Variants in GFRA1 observed in about 807,000 individuals in gnomAD.
GFRA1 encodes the protein GDNF family receptor alpha-1.
Under a neutral mutation model 51.6 loss-of-function variants are expected in GFRA1, and 16 were observed. The observed-to-expected ratio is 0.31, with a 90% CI of 0.21 to 0.47. GFRA1 has a LOEUF of 0.47. GFRA1 is among the 20% of genes least tolerant of loss of function. GFRA1 has a pLI of 1.00. For synonymous variants in GFRA1, 270 were observed against 241.3 expected, an observed-to-expected ratio of 1.12 and a Z score of -1.10; for missense variants, 530 against 594.3, an observed-to-expected ratio of 0.89 and a Z score of 1.13.
chr10:116,234,607 A>G (rs569847095), intron 4 of GFRA1, among the ~76,000 whole-genome samples: 44 of 152,322 alleles, frequency 2.9e-4, no homozygotes, highest in African/African-American at 9.6e-4. Flanking sequence ...ATGTTTCTCT[A>G]GTATATGCGA....
intron 4 of GFRA1, among the ~76,000 whole-genome samples, chr10:116,260,971 G>C (rs1969257749): frequency 6.6e-6 from 1 of 152,172 alleles, no homozygotes; most frequent in Non-Finnish European, 1.5e-5. Context: ...AGACAACCCT[G>C]AAGGGTGCCA....
intron 5 of GFRA1, among the ~76,000 whole-genome samples, chr10:116,151,453 T>C (rs1007800125): frequency 2.0e-4 from 30 of 152,178 alleles, no homozygotes; most frequent in Non-Finnish European, 4.4e-4. Context: ...TCACCACCAC[T>C]GACTCTTCTC....
intron 9 of GFRA1, among the ~76,000 whole-genome samples, chr10:116,069,353 G>A (rs1205775730): frequency 1.3e-5 from 2 of 152,030 alleles, no homozygotes; most frequent in Admixed American, 6.6e-5. Flanking sequence ...CTAAGTTGGG[G>A]GAAACACCAC....
chr10:116,251,260 C>T (rs1375501012), intron 4 of GFRA1, among the ~76,000 whole-genome samples: 1 of 152,206 alleles, frequency 6.6e-6, no homozygotes, highest in Non-Finnish European at 1.5e-5. Flanking sequence ...GCTCAGTAGA[C>T]ATTTGTTGAT....
At chr10:116,186,366 G>A (rs1294133666) in intron 5 of GFRA1, among the ~76,000 whole-genome samples, 1 of 152,176 alleles carries the variant, frequency 6.6e-6, no homozygotes, top group Non-Finnish European at 1.5e-5. Flanking sequence ...GAAAAGCCAC[G>A]TTACTTCACA....
chr10:116,211,634 G>T lies in GFRA1; in HGVS notation c.430C>A (p.Gln144Lys), dbSNP rs1430140702. 1 of 1,550,640 alleles carries T rather than the reference G, an allele frequency of 6.4e-7. No individual in the cohort carries two copies. Among genetic ancestry groups the T allele is most frequent in the Non-Finnish European group, 8.7e-7 (1 of 1,146,258 alleles). ...AGGCAGGAAACAGTGAACTTACCTT[G>T]CTGAAAAACATCTGCCAAGAAAGAA... ...VVPFISDVFQ[Q>K]VEHIPKGNNC... Residue 144 changes from glutamine (Q) to lysine (K), a missense_variant, in exon 5 of 11, where the codon CAA becomes AAA. Transcript: ENST00000355422.
chr10:116,087,797 T>C (rs535880070), intron 9 of GFRA1, among the ~76,000 whole-genome samples: 1 of 152,260 alleles, frequency 6.6e-6, no homozygotes, highest in African/African-American at 2.4e-5. Context: ...AAAGACCCTG[T>C]TCCCTGCCTG....
chr10:116,174,712 T>C (rs1961409157), intron 5 of GFRA1, among the ~76,000 whole-genome samples: 1 of 152,206 alleles, frequency 6.6e-6, no homozygotes, highest in South Asian at 2.1e-4. Flanking sequence ...TAGAGATTAC[T>C]GAAACCTCTA....
chr10:116,269,087 G>T (rs984498892), intron 4 of GFRA1, among the ~76,000 whole-genome samples: 5 of 152,140 alleles, frequency 3.3e-5, no homozygotes, highest in Non-Finnish European at 5.9e-5. Flanking sequence ...GATTATCTTT[G>T]GGCGTCTTGT....
intron 5 of GFRA1, among the ~76,000 whole-genome samples, chr10:116,186,848 A>T (rs1962768289): frequency 6.6e-6 from 1 of 152,196 alleles, no homozygotes; most frequent in South Asian, 2.1e-4. Flanking sequence ...ACTGCAATTC[A>T]TACCCCGGCC....
intron 5 of GFRA1, among the ~76,000 whole-genome samples, chr10:116,130,339 T>G (rs1958056050): frequency 6.6e-6 from 1 of 152,056 alleles, no homozygotes; most frequent in Admixed American, 6.5e-5. Flanking sequence ...GGCCAATTTT[T>G]TAAACTCATA....
At chr10:116,194,022 G>A (rs1403673532) in intron 5 of GFRA1, among the ~76,000 whole-genome samples, 1 of 143,578 alleles carries the variant, frequency 7.0e-6, no homozygotes, top group Non-Finnish European at 1.5e-5. Flanking sequence ...CTGGGCCACA[G>A]AGGGAGACTC....
chr10:116,269,764 T>C (rs774085229), intron 3 of GFRA1, among the ~76,000 whole-genome samples, 178 bp from the exon 4 acceptor site: 36 of 152,234 alleles, frequency 2.4e-4, no homozygotes, highest in Admixed American at 6.5e-5. Context: ...CCCTCCGCCT[T>C]TGTTGTCCTT....
intron 9 of GFRA1, among the ~76,000 whole-genome samples, chr10:116,066,635 T>TTTAC (rs1431648837): frequency 3.3e-5 from 5 of 152,268 alleles, no homozygotes; most frequent in African/African-American, 1.2e-4. Flanking sequence ...CACACAACAA[T>TTTAC]TTACTTACAG....
intron 10 of GFRA1, 100 bp from the exon 11 acceptor site, chr10:116,064,644 C>T: frequency 8.9e-7 from 1 of 1,118,634 alleles, no homozygotes; most frequent in Admixed American, 1.7e-5. Flanking sequence ...CTGGCTGACC[C>T]ACTCACCAAA....
chr10:116,068,869 A>C (rs910575502), intron 9 of GFRA1, among the ~76,000 whole-genome samples: 23 of 152,360 alleles, frequency 1.5e-4, no homozygotes, highest in African/African-American at 5.1e-4. Flanking sequence ...ACACACTTTA[A>C]ATGCTGTCTC....
intron 4 of GFRA1, among the ~76,000 whole-genome samples, chr10:116,252,617 C>A (rs1477760890): frequency 1.3e-5 from 2 of 152,146 alleles, no homozygotes; most frequent in South Asian, 2.1e-4. Flanking sequence ...GTCAGAAACG[C>A]GCACCCTCAC....
intron 5 of GFRA1, among the ~76,000 whole-genome samples, chr10:116,186,371 T>C (rs1462226935): frequency 6.6e-6 from 1 of 152,162 alleles, no homozygotes; most frequent in Admixed American, 6.5e-5. Flanking sequence ...GCCACGTTAC[T>C]TCACACAGAG....
chr10:116,073,676 G>A (rs1331468062), intron 9 of GFRA1, among the ~76,000 whole-genome samples: 1 of 152,160 alleles, frequency 6.6e-6, no homozygotes, highest in Non-Finnish European at 1.5e-5. Flanking sequence ...ATGTGCAAGA[G>A]CAACAGAAAA....
Sources: gnomAD v4.1 joint callset for allele counts (sites outside exome capture counted in the v4.1 genomes callset) on GRCh38, gnomAD v4.1.1 for gene constraint, MANE v1.5 for transcripts, NCBI Gene and HGNC (gene_info 2026-07-23, HGNC 2026-07-21) for gene names.